The following DLG2 variants were observed in gnomAD, a reference collection of about 807,000 sequenced individuals.
DLG2 encodes the protein discs large MAGUK scaffold protein 2.
A neutral mutation model predicts 132.5 loss-of-function variants in DLG2; 45 were observed. The ratio of observed to expected loss-of-function variants is 0.34; its 90% CI spans 0.27 to 0.44. The LOEUF (loss-of-function observed/expected upper bound fraction) is 0.44, where lower values mean the gene tolerates loss of function less well. Among genes scored for constraint, DLG2 ranks in the 20% least tolerant of loss-of-function variants. DLG2 has a pLI of 1.00. For missense variants in DLG2, 1,045 were observed against 1,196.9 expected (o/e 0.87, Z 1.87); for synonymous variants, 424 against 419.6 (o/e 1.01, Z -0.13).
intron 6 of DLG2, among the ~76,000 whole-genome samples, chr11:84,819,070 C>G (rs1424926849): frequency 7.7e-6 from 1 of 130,480 alleles, no homozygotes; most frequent in East Asian, 2.0e-4. Context: ...CTCCCTCACT[C>G]ACAAATACAC....
intron 3 of DLG2, among the ~76,000 whole-genome samples, chr11:85,399,085 C>A (rs2087745400): frequency 6.6e-6 from 1 of 152,122 alleles, no homozygotes; most frequent in East Asian, 1.9e-4. Context: ...AGCAAAGTCT[C>A]AGGATACAAA....
intron 6 of DLG2, among the ~76,000 whole-genome samples, chr11:84,647,333 T>C (rs563605244): frequency 6.6e-6 from 1 of 152,202 alleles, no homozygotes; most frequent in East Asian, 1.9e-4. Context: ...ATCGTTACAA[T>C]CATCACCAAA....
intron 3 of DLG2, among the ~76,000 whole-genome samples, chr11:85,396,136 G>A (rs559886234): frequency 1.3e-5 from 2 of 152,194 alleles, no homozygotes; most frequent in Non-Finnish European, 2.9e-5. Flanking sequence ...AACAGTGTCT[G>A]GAGTGGACCT....
chr11:84,442,516 T>G (rs2099020338), intron 7 of DLG2, among the ~76,000 whole-genome samples: 1 of 151,958 alleles, frequency 6.6e-6, no homozygotes. Context: ...CATCACACAC[T>G]GAGGCCTGTC....
At position 84,997,044 on chromosome 11, in the gene DLG2, G is replaced by A. The variant is rs1167265438; in HGVS notation, c.357+114617C>T. ...GTGAGAGTAGTAAAACAACCCTGGT[G>A]GGGCAGAGGGGTTGGATGTAAACGT... On this transcript the variant is annotated intron_variant, in intron 6 of 27. Transcript: ENST00000376104. Among the ~76,000 whole-genome samples, 4 of 152,220 alleles carry A rather than the reference G, an allele frequency of 2.6e-5. No homozygotes were observed. In the East Asian group the frequency reaches 5.8e-4, roughly 22 times the overall value.
At chr11:85,380,984 C>A (rs1037827128) in intron 3 of DLG2, among the ~76,000 whole-genome samples, 18 of 152,168 alleles carry the variant, frequency 1.2e-4, no homozygotes, top group Admixed American at 1.2e-3. Flanking sequence ...ATCACATGAA[C>A]TTTTTGGTTT....
At chr11:83,549,827 T>A (rs2096342672) in intron 19 of DLG2, among the ~76,000 whole-genome samples, 1 of 152,126 alleles carries the variant, frequency 6.6e-6, no homozygotes, top group South Asian at 2.1e-4. Context: ...GAGTTAGGAG[T>A]GCAGATTTCT....
At chr11:83,943,742 T>C (rs1565744479) in intron 14 of DLG2, among the ~76,000 whole-genome samples, 1 of 152,368 alleles carries the variant, frequency 6.6e-6, no homozygotes, top group South Asian at 2.1e-4. Flanking sequence ...GGTGCATCTA[T>C]TCACTCAACA....
intron 7 of DLG2, among the ~76,000 whole-genome samples, chr11:84,507,378 A>G (rs2099244349): frequency 6.6e-6 from 1 of 152,188 alleles, no homozygotes. Context: ...GAAGGCTTTG[A>G]AGAGAAGTGA....
intron 6 of DLG2, among the ~76,000 whole-genome samples, chr11:84,851,109 T>A (rs191287475): frequency 1.4e-4 from 21 of 152,216 alleles, no homozygotes; most frequent in Admixed American, 2.6e-4. Context: ...ATCCAGAACA[T>A]TACTTGCATC....
chr11:83,851,021 C>CA (rs1477571898), intron 16 of DLG2, among the ~76,000 whole-genome samples: 9 of 151,814 alleles, frequency 5.9e-5, no homozygotes, highest in Non-Finnish European at 7.4e-5. Context: ...CTGAAAAATA[C>CA]AAAAAATTAG....
At chr11:85,429,444 T>G (rs1310034553) in intron 3 of DLG2, among the ~76,000 whole-genome samples, 1 of 152,046 alleles carries the variant, frequency 6.6e-6, no homozygotes, top group Non-Finnish European at 1.5e-5. Flanking sequence ...GGGAGAAAAT[T>G]TTTGCTATCT....
chr11:85,342,546 A>G (rs1176915492), intron 3 of DLG2, among the ~76,000 whole-genome samples: 7 of 152,196 alleles, frequency 4.6e-5, no homozygotes, highest in African/African-American at 1.4e-4. Context: ...ATTTTTTTAT[A>G]TAAGTCAAAG....
chr11:83,588,704 G>A (rs1185081457), intron 19 of DLG2, among the ~76,000 whole-genome samples: 1 of 151,598 alleles, frequency 6.6e-6, no homozygotes, highest in Admixed American at 6.6e-5. Flanking sequence ...GCTACGGGAG[G>A]ACATTCAAAC....
In DLG2 at chr11:84,643,908, T is replaced by C. The variant is rs372544577; in HGVS notation, c.358-109177A>G. Among the ~76,000 whole-genome samples the C allele has an allele frequency of 1.4e-4, 21 of 152,322 alleles. No individual in the cohort carries two copies. In the South Asian group the frequency reaches 4.1e-3, roughly 30 times the overall value. ...TTGAATCATTGTGCCAGGTAGTTTA[T>C]ATATGTTACCTCTGATCCTTATAAT... On this transcript the variant is annotated intron_variant, in intron 6 of 27. Coordinates refer to ENST00000376104, the MANE Select transcript of DLG2 (RefSeq NM_001142699.3).
At chr11:83,786,935 AC>A in intron 17 of DLG2, 143 bp from the exon 18 acceptor site, 1 of 629,392 alleles carries the variant, frequency 1.6e-6, no homozygotes, top group Non-Finnish European at 2.8e-6. Context: ...GTGTTTGTGG[AC>A]TTTCATGATC....
At chr11:84,446,038 GTAC>G (rs1324941098) in intron 7 of DLG2, among the ~76,000 whole-genome samples, 12 of 147,162 alleles carry the variant, frequency 8.2e-5, no homozygotes, top group African/African-American at 2.8e-4. Context: ...TATTCTACCC[GTAC>G]TATTGCTTCA....
intron 18 of DLG2, among the ~76,000 whole-genome samples, chr11:83,653,017 C>T (rs1260707848): frequency 6.6e-6 from 1 of 152,114 alleles, no homozygotes; most frequent in African/African-American, 2.4e-5. Context: ...TGAAATATGC[C>T]CAGTCACACA....
At chr11:85,017,798 T>C (rs1335620711) in intron 6 of DLG2, among the ~76,000 whole-genome samples, 1 of 152,106 alleles carries the variant, frequency 6.6e-6, no homozygotes, top group Non-Finnish European at 1.5e-5. Flanking sequence ...AAGAACACAT[T>C]TGCCCCAATT....
Sources: gnomAD v4.1 joint callset for allele counts (sites outside exome capture counted in the v4.1 genomes callset) on GRCh38, gnomAD v4.1.1 for gene constraint, MANE v1.5 for transcripts, NCBI Gene and HGNC (gene_info 2026-07-23, HGNC 2026-07-21) for gene names.